SLC26A7: variants seen among roughly 807,000 people sequenced by gnomAD.
SLC26A7 encodes solute carrier family 26 member 7, also known as anion exchange transporter.
SLC26A7 carries 59 observed loss-of-function variants against 82.5 expected under a neutral mutation model. The ratio of observed to expected loss-of-function variants is 0.72; its 90% CI spans 0.58 to 0.89. The LOEUF (loss-of-function observed/expected upper bound fraction) is 0.89. SLC26A7 is among the 40% of genes least tolerant of loss of function. The pLI, the probability that SLC26A7 is intolerant of heterozygous loss-of-function variation, is 0.00. For synonymous variants in SLC26A7, 271 were observed against 274.3 expected (o/e 0.99, Z 0.12); for missense variants, 820 against 793.0 (o/e 1.03, Z -0.41).
intron 9 of SLC26A7, among the ~76,000 whole-genome samples, chr8:91,346,246 A>C (rs62527449): frequency 0.15 from 23,142 of 152,008 alleles, 2,345 homozygotes; most frequent in Non-Finnish European, 0.23. Flanking sequence ...AATCTAATTT[A>C]ATGTGCATAC....
At chr8:91,370,643 C>A (rs1262134427) in intron 15 of SLC26A7, among the ~76,000 whole-genome samples, 2 of 151,850 alleles carry the variant, frequency 1.3e-5, no homozygotes, top group African/African-American at 4.8e-5. Flanking sequence ...TTTGCAAACT[C>A]ATCAATTGAT....
intron 2 of SLC26A7, among the ~76,000 whole-genome samples, chr8:91,250,266 T>A (rs1053034018): frequency 6.6e-6 from 1 of 152,126 alleles, no homozygotes; most frequent in East Asian, 1.9e-4. Flanking sequence ...CCTTGAGAGT[T>A]GCTATAAACA....
intron 15 of SLC26A7, among the ~76,000 whole-genome samples, chr8:91,386,166 C>T (rs1003035440): frequency 6.6e-6 from 1 of 152,190 alleles, no homozygotes; most frequent in East Asian, 1.9e-4. Context: ...ATTTATGGAG[C>T]ATCTTCCAGG....
At chr8:91,279,556 T>C (rs1007570783) in intron 2 of SLC26A7, among the ~76,000 whole-genome samples, 4 of 152,094 alleles carry the variant, frequency 2.6e-5, no homozygotes, top group Admixed American at 1.3e-4. Context: ...TGTTGTTGTG[T>C]ATTTTATTTT....
At chr8:91,350,798 C>T (rs1037987309) in intron 9 of SLC26A7, among the ~76,000 whole-genome samples, 7 of 152,024 alleles carry the variant, frequency 4.6e-5, no homozygotes, top group African/African-American at 1.7e-4. Context: ...TTAGGTTTCA[C>T]GTGGACATAT....
intron 14 of SLC26A7, among the ~76,000 whole-genome samples, chr8:91,367,816 TC>T (rs1343402303): frequency 6.6e-6 from 1 of 152,190 alleles, no homozygotes; most frequent in African/African-American, 2.4e-5. Context: ...TTTTCTTGTG[TC>T]CTCGAGCTAC....
Position 91,369,928 on chromosome 8 carries a change from TC to T in SLC26A7, c.1675+98del, listed in dbSNP as rs113048554. On this transcript the variant is annotated intron_variant, in intron 15 of 18. Coordinates refer to ENST00000276609, the MANE Select transcript of SLC26A7 (RefSeq NM_052832.4). ...CTTCCCCTTCTCCTCCTCATCTGCCTCCCTCTTCTGTTCTTCTTCTTTTTCT... is the reference window on the plus strand; with the variant it reads ...CTTCCCCTTCTCCTCCTCATCTGCCTCCTCTTCTGTTCTTCTTCTTTTTCT... The T allele has an allele frequency of 1.1e-3, 1,049 of 935,686 alleles. 8 individuals are homozygous for T. The African/African-American group carries it at 0.016, about 14-fold the overall frequency. The allele number at this position is 935,686 out of a possible 1,614,324, so 58.0% of individuals were successfully genotyped here.
At position 91,334,190 on chromosome 8, in the gene SLC26A7, A is replaced by G. The variant is rs776071244; in HGVS notation, c.643-105A>G. The G allele has an allele frequency of 2.6e-4, 278 of 1,077,318 alleles. No homozygotes were observed. In the Middle Eastern group the frequency reaches 2.7e-3, roughly 10 times the overall value. The allele number at this position is 1,077,318 out of a possible 1,614,324, so 66.7% of individuals were successfully genotyped here. ...TATATCTTTCCTCTCCCTAGCCATTAAGATAGTTTTATAAAACATCATTGA... is the reference window on the plus strand; with the variant it reads ...TATATCTTTCCTCTCCCTAGCCATTGAGATAGTTTTATAAAACATCATTGA... On this transcript the variant is annotated intron_variant, in intron 5 of 18. Coordinates refer to ENST00000276609, the MANE Select transcript of SLC26A7 (RefSeq NM_052832.4).
At chr8:91,339,684 C>T (rs1353787219) in intron 7 of SLC26A7, among the ~76,000 whole-genome samples, 1 of 150,142 alleles carries the variant, frequency 6.7e-6, no homozygotes, top group Non-Finnish European at 1.5e-5. Context: ...TTGGGTAAGT[C>T]TCCCAAAGAA....
chr8:91,383,296 G>T (rs1361064016), intron 15 of SLC26A7, among the ~76,000 whole-genome samples: 1 of 152,110 alleles, frequency 6.6e-6, no homozygotes. Context: ...TCTCAAACTG[G>T]GAATAATAGG....
intron 2 of SLC26A7, among the ~76,000 whole-genome samples, chr8:91,251,393 A>G (rs1810652854): frequency 6.6e-6 from 1 of 152,070 alleles, no homozygotes; most frequent in Non-Finnish European, 1.5e-5. Flanking sequence ...GTGTCTTGGG[A>G]AGTTATGAAT....
chr8:91,298,017 C>T (rs1027762744), intron 4 of SLC26A7, among the ~76,000 whole-genome samples: 1 of 152,060 alleles, frequency 6.6e-6, no homozygotes, highest in Admixed American at 6.5e-5. Context: ...AACAGAGAAC[C>T]CTCCTATCGG....
chr8:91,301,534 A>T (rs1200789870), intron 4 of SLC26A7, among the ~76,000 whole-genome samples: 3 of 151,954 alleles, frequency 2.0e-5, no homozygotes, highest in East Asian at 1.9e-4. Flanking sequence ...TTGTAATTTT[A>T]AAAAAATTTA....
chr8:91,305,065 C>T (rs543279094), intron 4 of SLC26A7, among the ~76,000 whole-genome samples: 1 of 152,270 alleles, frequency 6.6e-6, no homozygotes, highest in Admixed American at 6.5e-5. Context: ...ATATTTTTTA[C>T]ACATTTCCCT....
intron 2 of SLC26A7, among the ~76,000 whole-genome samples, chr8:91,237,882 T>C (rs1036549188): frequency 2.0e-5 from 3 of 152,216 alleles, no homozygotes; most frequent in African/African-American, 7.2e-5. Context: ...TCTCTGTATT[T>C]GATATTGTTC....
chr8:91,289,890 G>A (rs2130767166), intron 3 of SLC26A7, among the ~76,000 whole-genome samples: 1 of 152,212 alleles, frequency 6.6e-6, no homozygotes, highest in Non-Finnish European at 1.5e-5. Flanking sequence ...AATATGAGGG[G>A]TGATTTGGTA....
At chr8:91,383,822 A>C (rs926298090) in intron 15 of SLC26A7, among the ~76,000 whole-genome samples, 1 of 152,176 alleles carries the variant, frequency 6.6e-6, no homozygotes, top group African/African-American at 2.4e-5. Flanking sequence ...CAGCTCACAC[A>C]TCACATTCTT....
At chr8:91,367,366 T>G (rs1814226582) in intron 14 of SLC26A7, among the ~76,000 whole-genome samples, 3 of 152,228 alleles carry the variant, frequency 2.0e-5, no homozygotes, top group Admixed American at 6.5e-5. Flanking sequence ...CGTGATAGAA[T>G]ATGATAAATG....
chr8:91,334,621 G>A (rs1813190527), intron 6 of SLC26A7, among the ~76,000 whole-genome samples, 174 bp downstream of exon 6: 1 of 152,040 alleles, frequency 6.6e-6, no homozygotes, highest in African/African-American at 2.4e-5. Context: ...AACATTTTGA[G>A]TTAATAATTT....
Sources: allele counts gnomAD v4.1 joint callset (sites outside exome capture counted in the v4.1 genomes callset), GRCh38; gene constraint gnomAD v4.1.1; transcripts MANE v1.5; gene names NCBI Gene and HGNC (gene_info 2026-07-23, HGNC 2026-07-21).